LUZP2: variants seen among roughly 807,000 people sequenced by gnomAD.
LUZP2 encodes the protein leucine zipper protein 2.
In LUZP2, 52 loss-of-function variants were observed where a neutral mutation model predicts 51.6. The ratio of observed to expected loss-of-function variants is 1.01; its 90% CI spans 0.81 to 1.27. The LOEUF is 1.27. LUZP2 is among the 50% of genes most tolerant of loss of function. LUZP2 has a pLI of 0.00. For missense variants in LUZP2, 436 were observed against 395.4 expected (o/e 1.10, Z -0.87); for synonymous variants, 154 against 137.3 (o/e 1.12, Z -0.85).
At chr11:24,751,072 C>T (rs1859564440) in intron 4 of LUZP2, among the ~76,000 whole-genome samples, 1 of 152,074 alleles carries the variant, frequency 6.6e-6, no homozygotes, top group South Asian at 2.1e-4. Context: ...AAACCATTTT[C>T]TTTTTGACTC....
At chr11:24,996,328 A>T (rs2133934121) in intron 9 of LUZP2, among the ~76,000 whole-genome samples, 1 of 150,686 alleles carries the variant, frequency 6.6e-6, no homozygotes, top group East Asian at 1.9e-4. Flanking sequence ...CTCTCTCTCC[A>T]ATTAACTACT....
rs182824587 is a variant in LUZP2, at chr11:24,648,860, G to A, written c.63-80309G>A. Among the ~76,000 whole-genome samples the A allele has an allele frequency of 3.3e-5, 5 of 152,024 alleles. No homozygotes were observed. The East Asian group carries it at 9.7e-4, about 29-fold the overall frequency. On this transcript the variant is annotated intron_variant, in intron 1 of 11. Coordinates refer to ENST00000336930, the MANE Select transcript of LUZP2 (RefSeq NM_001009909.4). Reference sequence around the variant, plus strand: ...GTAATTGCAGTTTTTGCTATTAAAAGCAATGGCAAAACCCGCAATTACTTT... The same window carrying A: ...GTAATTGCAGTTTTTGCTATTAAAAACAATGGCAAAACCCGCAATTACTTT...
intron 1 of LUZP2, among the ~76,000 whole-genome samples, chr11:24,540,197 C>T (rs1851313598): frequency 6.6e-6 from 1 of 152,068 alleles, no homozygotes; most frequent in Non-Finnish European, 1.5e-5. Context: ...TAAACCATGT[C>T]TCTCTTTACA....
chr11:25,061,181 G>A (rs1858825385), intron 10 of LUZP2, among the ~76,000 whole-genome samples: 2 of 152,126 alleles, frequency 1.3e-5, no homozygotes, highest in African/African-American at 4.8e-5. Flanking sequence ...TCCCAGTAAT[G>A]ACTAGAGACA....
intron 10 of LUZP2, among the ~76,000 whole-genome samples, chr11:25,062,304 G>A (rs950230639): frequency 6.6e-6 from 1 of 151,566 alleles, no homozygotes; most frequent in South Asian, 2.1e-4. Context: ...AACCTCCAGG[G>A]CCAAGCATGG....
chr11:24,602,172 ATATATGTG>A (rs1853714361), intron 1 of LUZP2, among the ~76,000 whole-genome samples: 1 of 131,902 alleles, frequency 7.6e-6, no homozygotes, highest in Non-Finnish European at 1.6e-5. Flanking sequence ...ATATGTGTAT[ATATATGTG>A]TATATATGTA....
At chr11:24,922,049 TA>T (rs1402307121) in intron 7 of LUZP2, among the ~76,000 whole-genome samples, 14 of 150,882 alleles carry the variant, frequency 9.3e-5, no homozygotes, top group African/African-American at 3.5e-4. Context: ...CCATGGATAT[TA>T]ATTATTTTTT....
chr11:24,716,763 G>T (rs747734010), intron 1 of LUZP2, among the ~76,000 whole-genome samples: 97 of 152,098 alleles, frequency 6.4e-4, no homozygotes, highest in Non-Finnish European at 1.1e-3. Context: ...GGGCATGATG[G>T]CAGGCAACTG....
chr11:24,773,302 C>G (rs572509640), intron 5 of LUZP2, among the ~76,000 whole-genome samples: 2 of 152,020 alleles, frequency 1.3e-5, no homozygotes, highest in Non-Finnish European at 1.5e-5. Flanking sequence ...AATCGCTAAC[C>G]ATGAGAAATG....
At chr11:24,998,568 C>T (rs1856580074) in intron 9 of LUZP2, among the ~76,000 whole-genome samples, 1 of 152,174 alleles carries the variant, frequency 6.6e-6, no homozygotes, top group South Asian at 2.1e-4. Context: ...CGTATTTCTA[C>T]AGAACATGAT....
At chr11:24,722,017 G>A (rs1396935634) in intron 1 of LUZP2, among the ~76,000 whole-genome samples, 1 of 152,002 alleles carries the variant, frequency 6.6e-6, no homozygotes, top group Non-Finnish European at 1.5e-5. Context: ...ATAAAAAATG[G>A]CACTGCAAAA....
At chr11:24,533,428 A>C (rs894707812) in intron 1 of LUZP2, among the ~76,000 whole-genome samples, 2 of 151,368 alleles carry the variant, frequency 1.3e-5, no homozygotes, top group Non-Finnish European at 3.0e-5. Flanking sequence ...TTAACAAAAT[A>C]ATACTTGCAC....
intron 1 of LUZP2, among the ~76,000 whole-genome samples, chr11:24,647,267 T>A (rs1855489892): frequency 6.6e-6 from 1 of 152,026 alleles, no homozygotes; most frequent in African/African-American, 2.4e-5. Context: ...TGTATTTTTC[T>A]ACCTTCAATC....
chr11:24,649,872 G>C (rs1260737193), intron 1 of LUZP2, among the ~76,000 whole-genome samples: 1 of 151,716 alleles, frequency 6.6e-6, no homozygotes, highest in Admixed American at 6.6e-5. Flanking sequence ...TCCTTCTTCA[G>C]AATTAAGTTC....
intron 1 of LUZP2, among the ~76,000 whole-genome samples, chr11:24,727,850 G>C (rs1466565384): frequency 1.3e-5 from 2 of 151,626 alleles, no homozygotes; most frequent in East Asian, 3.9e-4. Context: ...TAGCAAATGA[G>C]AAAAAGAAAA....
chr11:25,045,032 G>A (rs1858252502), intron 9 of LUZP2, among the ~76,000 whole-genome samples: 1 of 95,826 alleles, frequency 1.0e-5, no homozygotes. Flanking sequence ...ACACAGGAAG[G>A]GGAACATCAC....
intron 7 of LUZP2, among the ~76,000 whole-genome samples, chr11:24,946,838 T>C (rs766102656): frequency 3.3e-5 from 5 of 152,030 alleles, no homozygotes; most frequent in African/African-American, 4.8e-5. Context: ...TATTTTTCAA[T>C]GTCTTCTGTG....
At chr11:24,912,446 A>G (rs1486300796) in intron 6 of LUZP2, among the ~76,000 whole-genome samples, 1 of 152,076 alleles carries the variant, frequency 6.6e-6, no homozygotes, top group African/African-American at 2.4e-5. Flanking sequence ...GCATTGAACA[A>G]TGATTGAAAA....
chr11:24,501,126 A>T (rs1291125192), intron 1 of LUZP2, among the ~76,000 whole-genome samples: 2 of 152,220 alleles, frequency 1.3e-5, no homozygotes, highest in African/African-American at 4.8e-5. Flanking sequence ...ATTTTACAGG[A>T]TGCTACCTAC....
Sources: allele counts gnomAD v4.1 joint callset (sites outside exome capture counted in the v4.1 genomes callset), GRCh38; gene constraint gnomAD v4.1.1; transcripts MANE v1.5; gene names NCBI Gene and HGNC (gene_info 2026-07-23, HGNC 2026-07-21).